Variants in PIK3R4 observed in about 807,000 individuals in gnomAD.
The protein encoded by PIK3R4 is phosphoinositide-3-kinase regulatory subunit 4.
Under a neutral mutation model 136.5 loss-of-function variants are expected in PIK3R4, and 46 were observed. That is an observed-to-expected ratio of 0.34 (90% CI 0.27 to 0.43). The LOEUF (loss-of-function observed/expected upper bound fraction) is 0.43, where lower values mean the gene tolerates loss of function less well. Among genes scored for constraint, PIK3R4 ranks in the 20% least tolerant of loss-of-function variants. The probability of loss-of-function intolerance (pLI) is 1.00; values close to 1 mark genes in which losing one functional copy is unlikely to be tolerated. For synonymous variants in PIK3R4, 557 were observed against 566.7 expected, an observed-to-expected ratio of 0.98 and a Z score of 0.24; for missense variants, 1,331 against 1,649.5, an observed-to-expected ratio of 0.81 and a Z score of 3.35.
chr3:130,744,814 A>G lies in PIK3R4; in HGVS notation c.405T>C (p.Ala135=), dbSNP rs757515994. The G allele has an allele frequency of 5.0e-5, 80 of 1,614,128 alleles. No individual in the cohort carries two copies. The highest frequency in any genetic ancestry group is 6.2e-5 in the Non-Finnish European group (73 of 1,180,046). Residue 135 remains alanine (A), a synonymous_variant, in exon 2 of 20, where the codon GCT becomes GCC. Transcript: ENST00000356763. The part of the protein sequence containing the change: ...KRWIAFQILT[A]VDQAHKSGVR... ...CTCCAGATTTGTGTGCTTGGTCCAC[A>G]GCTGTCAGGATCTGGAAAGCAATCC... is the stretch of plus-strand genomic sequence containing the variant.
intron 3 of PIK3R4, among the ~76,000 whole-genome samples, chr3:130,735,256 T>C (rs1471234761): frequency 1.3e-5 from 2 of 152,192 alleles, no homozygotes; most frequent in African/African-American, 4.8e-5. Context: ...ATCTTTTCCA[T>C]GACTCAGAGT....
intron 16 of PIK3R4, among the ~76,000 whole-genome samples, chr3:130,683,209 A>G (rs1419461324): frequency 1.3e-5 from 2 of 152,106 alleles, no homozygotes; most frequent in Non-Finnish European, 2.9e-5. Flanking sequence ...CATTTAGTAG[A>G]GAGGAAATCA....
chr3:130,680,268 A>C (rs910354364), intron 19 of PIK3R4, among the ~76,000 whole-genome samples: 1 of 152,150 alleles, frequency 6.6e-6, no homozygotes, highest in African/African-American at 2.4e-5. Flanking sequence ...ACAGTCCCAA[A>C]GCCAGGTTTA....
At position 130,728,549 on chromosome 3, in the gene PIK3R4, T is replaced by C. The variant is rs901209691; in HGVS notation, c.1721A>G (p.Asn574Ser). 6.2e-6 allele frequency: 10 copies of C among 1,613,652 alleles called. No homozygotes were observed. The highest frequency in any genetic ancestry group is 1.7e-5 in the Admixed American group (1 of 59,990). ...AATCATGTGGGACAACAAAACATCG[T>C]TGGCTTTCTGACGTCCAAAGAATAC... The part of the protein sequence containing the change: ...LCVFFGRQKA[N>S]DVLLSHMITF... The change falls in exon 6 of 20, where the codon AAC becomes AGC. Residue 574 changes from asparagine to serine, a missense_variant. Physicochemically the swap from Asn to Ser is conservative, Grantham distance 46. Transcript: ENST00000356763.
intron 13 of PIK3R4, among the ~76,000 whole-genome samples, chr3:130,691,867 G>GTTTTTTTTT (rs757678674): frequency 9.9e-6 from 1 of 100,830 alleles, no homozygotes. Context: ...TCTCTCTCTA[G>GTTTTTTTTT]TTTTTTTTTT....
chr3:130,718,152 GAAC>G (rs1408926744), intron 8 of PIK3R4, among the ~76,000 whole-genome samples: 1 of 152,124 alleles, frequency 6.6e-6, no homozygotes, highest in East Asian at 1.9e-4. Context: ...GAAAATATAT[GAAC>G]TACTGTACGC....
intron 16 of PIK3R4, among the ~76,000 whole-genome samples, chr3:130,683,224 T>A (rs1476417791): frequency 6.7e-6 from 1 of 149,152 alleles, no homozygotes. Flanking sequence ...AAATCAAGCA[T>A]TCATTTTAGT....
At chr3:130,727,255 C>G (rs1559828894) in intron 6 of PIK3R4, among the ~76,000 whole-genome samples, 1 of 151,064 alleles carries the variant, frequency 6.6e-6, no homozygotes, top group East Asian at 1.9e-4. Context: ...GAGTCTCGCT[C>G]TTTCACCCAG....
chr3:130,719,371 T>A (rs2066685804), intron 7 of PIK3R4, among the ~76,000 whole-genome samples: 1 of 152,184 alleles, frequency 6.6e-6, no homozygotes, highest in Non-Finnish European at 1.5e-5. Flanking sequence ...CTAATATTTA[T>A]TTAGTGTATA....
chr3:130,744,576 T>A lies in PIK3R4; in HGVS notation c.643A>T (p.Met215Leu). The A allele has an allele frequency of 6.2e-7, 1 of 1,614,236 alleles. No individual in the cohort carries two copies. Among genetic ancestry groups the A allele is most frequent in the Non-Finnish European group, 8.5e-7 (1 of 1,180,036 alleles). The change falls in exon 2 of 20, where the codon ATG becomes TTG. Residue 215 changes from methionine to leucine, a missense_variant. Around this residue, in one of 2 missense-constraint regions of PIK3R4, gnomAD observed 1,180 missense variants for 1,407.0 expected, o/e 0.84. Coordinates refer to ENST00000356763, the MANE Select transcript of PIK3R4 (RefSeq NM_014602.3). ...ACAAGCGGAGTTGAAGGATCTCTCA[T>A]ATATTCTAACTCAGTGGCAAACATC... ...GGMFATELEYMRDPSTPLVDL... is the reference protein window; with the variant it reads ...GGMFATELEYLRDPSTPLVDL...
At chr3:130,736,698 T>A (rs1486857958) in intron 2 of PIK3R4, among the ~76,000 whole-genome samples, 1 of 152,034 alleles carries the variant, frequency 6.6e-6, no homozygotes, top group Non-Finnish European at 1.5e-5. Context: ...AGACATTAGA[T>A]TCATAAGGAA....
intron 9 of PIK3R4, among the ~76,000 whole-genome samples, chr3:130,713,865 C>A (rs2066645987): frequency 6.6e-6 from 1 of 152,066 alleles, no homozygotes. Flanking sequence ...GTAGAGACAG[C>A]GTTTCACCAT....
chr3:130,679,378 G>C lies in PIK3R4; in HGVS notation c.4014C>G (p.Phe1338Leu), dbSNP rs774953971. 6.2e-7 allele frequency: 1 copy of C among 1,613,248 alleles called. No homozygotes were observed. ...TTACGATGAAGCCCTGTGTGGTCTG[G>C]AATGTGGCGACATCAGTGATGATGT... The part of the protein sequence containing the change: ...HHDIITDVAT[F>L]QTTQGFIVTA... Residue 1338 changes from phenylalanine (F) to leucine (L), a missense_variant, in exon 20 of 20, where the codon TTC (phenylalanine) becomes TTG (leucine). By Grantham distance (22) the Phe-to-Leu change is conservative (BLOSUM62 0). This residue lies in a region of PIK3R4 where 1,180 missense variants were observed against 1,407.0 expected (regional missense o/e 0.84). Coordinates refer to ENST00000356763, the MANE Select transcript of PIK3R4 (RefSeq NM_014602.3).
intron 9 of PIK3R4, among the ~76,000 whole-genome samples, chr3:130,715,080 C>T (rs901405680): frequency 1.3e-5 from 2 of 151,334 alleles, no homozygotes; most frequent in Non-Finnish European, 2.9e-5. Context: ...TAAAAGTATT[C>T]CTATTTCTCC....
intron 9 of PIK3R4, among the ~76,000 whole-genome samples, chr3:130,710,603 A>C (rs1180881846): frequency 6.6e-6 from 1 of 152,190 alleles, no homozygotes; most frequent in Non-Finnish European, 1.5e-5. Flanking sequence ...AAAGGTATTC[A>C]GATTGGAAAA....
At chr3:130,715,304 A>G (rs545586134) in intron 9 of PIK3R4, among the ~76,000 whole-genome samples, 2 of 151,922 alleles carry the variant, frequency 1.3e-5, no homozygotes, top group East Asian at 1.9e-4. Context: ...TTGTATTTTT[A>G]GTAGAGATGG....
intron 17 of PIK3R4, among the ~76,000 whole-genome samples, 199 bp downstream of exon 17, chr3:130,681,292 C>A (rs1424769677): frequency 1.3e-5 from 2 of 152,118 alleles, no homozygotes; most frequent in Non-Finnish European, 2.9e-5. Context: ...TATGGGCTAG[C>A]AACTTATTTA....
chr3:130,731,923 A>G (rs1462677984), intron 4 of PIK3R4, among the ~76,000 whole-genome samples: 1 of 152,224 alleles, frequency 6.6e-6, no homozygotes, highest in East Asian at 1.9e-4. Flanking sequence ...CTGGGAAGTC[A>G]AAGCTGCAGT....
At chr3:130,731,874 A>C (rs1319275383) in intron 4 of PIK3R4, among the ~76,000 whole-genome samples, 1 of 152,202 alleles carries the variant, frequency 6.6e-6, no homozygotes, top group Non-Finnish European at 1.5e-5. Context: ...GCACACACCT[A>C]TAGTGCTTGG....
Sources: allele counts gnomAD v4.1 joint callset (sites outside exome capture counted in the v4.1 genomes callset), GRCh38; gene constraint gnomAD v4.1.1; regional missense constraint gnomAD v4.1.1; transcripts MANE v1.5; gene names NCBI Gene and HGNC (gene_info 2026-07-23, HGNC 2026-07-21).